ANO6: variants seen among roughly 807,000 people sequenced by gnomAD.
ANO6 encodes anoctamin 6.
In ANO6, 106 loss-of-function variants were observed where a neutral mutation model predicts 117.5. That is an observed-to-expected ratio of 0.90 (90% CI 0.77 to 1.06). The LOEUF (loss-of-function observed/expected upper bound fraction) is 1.06, where lower values mean the gene tolerates loss of function less well. ANO6 is among the 50% of genes least tolerant of loss of function. The probability of loss-of-function intolerance (pLI) is 0.00; values close to 1 mark genes in which losing one functional copy is unlikely to be tolerated. For synonymous variants in ANO6, 367 were observed against 385.1 expected, an observed-to-expected ratio of 0.95 and a Z score of 0.55; for missense variants, 955 against 1,121.1, an observed-to-expected ratio of 0.85 and a Z score of 2.12.
chr12:45,335,994 T>C (rs1054034951), intron 3 of ANO6, among the ~76,000 whole-genome samples: 5 of 152,064 alleles, frequency 3.3e-5, no homozygotes, highest in Non-Finnish European at 4.4e-5. Flanking sequence ...TTTTCTTGTC[T>C]GAGTGCAATG....
chr12:45,379,536 C>T (rs187756202), intron 10 of ANO6, among the ~76,000 whole-genome samples: 85 of 152,282 alleles, frequency 5.6e-4, no homozygotes, highest in Admixed American at 2.0e-3. Context: ...CCTCCCCTTC[C>T]GCCCAGTAAG....
intron 9 of ANO6, among the ~76,000 whole-genome samples, chr12:45,373,490 A>T (rs1941908544): frequency 6.6e-6 from 1 of 152,248 alleles, no homozygotes; most frequent in Non-Finnish European, 1.5e-5. Context: ...ATGTAAAAGA[A>T]CAGAAATTAT....
intron 7 of ANO6, among the ~76,000 whole-genome samples, chr12:45,353,939 C>T (rs928622206): frequency 2.0e-5 from 3 of 151,746 alleles, no homozygotes; most frequent in African/African-American, 7.3e-5. Context: ...TTATGCAGAG[C>T]ATAGAGCAAA....
intron 1 of ANO6, among the ~76,000 whole-genome samples, chr12:45,242,376 A>G (rs906072575): frequency 2.6e-5 from 4 of 152,248 alleles, no homozygotes; most frequent in Non-Finnish European, 5.9e-5. Context: ...GGGACCTGCC[A>G]AGCCAGGCAT....
chr12:45,346,855 C>G (rs1156237183), intron 3 of ANO6, among the ~76,000 whole-genome samples, 167 bp from the exon 4 acceptor site: 1 of 152,188 alleles, frequency 6.6e-6, no homozygotes, highest in Non-Finnish European at 1.5e-5. Flanking sequence ...TCACCAGCAG[C>G]AAGAGCTGCT....
At chr12:45,238,727 T>G (rs1293103558) in intron 1 of ANO6, among the ~76,000 whole-genome samples, 1 of 152,156 alleles carries the variant, frequency 6.6e-6, no homozygotes, top group Non-Finnish European at 1.5e-5. Context: ...CAATACCTAG[T>G]TTATTGAGAG....
At chr12:45,420,963 T>C in intron 17 of ANO6, 108 bp from the exon 18 acceptor site, 1 of 1,194,958 alleles carries the variant, frequency 8.4e-7, no homozygotes, top group East Asian at 2.4e-5. Context: ...AGGTGGAGGT[T>C]GCAGTGAGCC....
At chr12:45,238,228 G>A (rs994426831) in intron 1 of ANO6, among the ~76,000 whole-genome samples, 2 of 147,494 alleles carry the variant, frequency 1.4e-5, no homozygotes, top group African/African-American at 5.1e-5. Flanking sequence ...TCGGCTCACT[G>A]CAAGCTCTGC....
rs529127498 is a variant in ANO6 at position 45,296,323 on chromosome 12, G to A, written c.71-5691G>A. On this transcript the variant is annotated intron_variant, in intron 1 of 19. Coordinates refer to ENST00000320560, the MANE Select transcript of ANO6 (RefSeq NM_001025356.3). ...CTTTGACATTTCTTTAGTTGCGTAC[G>A]TTGACTAGATCATAGAATTCCTGAG... 9.9e-5 allele frequency among the ~76,000 whole-genome samples: 15 copies of A among 152,158 alleles called. No individual in the cohort carries two copies. In the South Asian group the frequency reaches 2.7e-3, roughly 27 times the overall value.
chr12:45,224,360 G>C (rs1471705110), intron 1 of ANO6, among the ~76,000 whole-genome samples: 1 of 152,074 alleles, frequency 6.6e-6, no homozygotes, highest in Non-Finnish European at 1.5e-5. Flanking sequence ...CGATGGCAAG[G>C]GGATCATGTT....
intron 15 of ANO6, among the ~76,000 whole-genome samples, chr12:45,405,132 C>T (rs757001431): frequency 3.3e-5 from 5 of 151,842 alleles, no homozygotes; most frequent in Admixed American, 1.3e-4. Context: ...GAAAACAACC[C>T]TCACTTTCAT....
At chr12:45,306,403 A>G (rs975547705) in intron 2 of ANO6, among the ~76,000 whole-genome samples, 4 of 152,166 alleles carry the variant, frequency 2.6e-5, no homozygotes, top group African/African-American at 9.7e-5. Flanking sequence ...ATGAGAAACC[A>G]TAGGATTTAG....
intron 1 of ANO6, among the ~76,000 whole-genome samples, chr12:45,278,037 C>G (rs1938607226): frequency 6.6e-6 from 1 of 152,148 alleles, no homozygotes; most frequent in Admixed American, 6.5e-5. Flanking sequence ...ATTCCACCCT[C>G]AAACTCCTAG....
chr12:45,262,535 T>C (rs1254667098), intron 1 of ANO6, among the ~76,000 whole-genome samples: 1 of 152,022 alleles, frequency 6.6e-6, no homozygotes, highest in Non-Finnish European at 1.5e-5. Context: ...AGCAATTCTC[T>C]TGCCTCAGCC....
chr12:45,296,220 G>A (rs767190418), intron 1 of ANO6, among the ~76,000 whole-genome samples: 2 of 152,188 alleles, frequency 1.3e-5, no homozygotes, highest in African/African-American at 2.4e-5. Context: ...GTACAAGACA[G>A]CGTGGCAGAT....
intron 16 of ANO6, among the ~76,000 whole-genome samples, chr12:45,414,289 A>G (rs1943159688): frequency 6.6e-6 from 1 of 151,944 alleles, no homozygotes. Flanking sequence ...TTTTGCGTTG[A>G]CTTTTTGTTG....
intron 2 of ANO6, among the ~76,000 whole-genome samples, chr12:45,329,123 A>G (rs1291490298): frequency 6.6e-6 from 1 of 152,204 alleles, no homozygotes; most frequent in African/African-American, 2.4e-5. Flanking sequence ...CAAGAATTTG[A>G]GCAAAGATCC....
rs1336570848 is a variant in ANO6, at chr12:45,431,966, G to A, written c.*2655G>A. 2 of 985,170 alleles carry A rather than the reference G, an allele frequency of 2.0e-6. No homozygotes were observed. The highest frequency in any genetic ancestry group is 2.4e-6 in the Non-Finnish European group (2 of 829,846). 61.0% of individuals were successfully genotyped at this position (985,170 alleles called of 1,614,324 possible). A position where few individuals can be genotyped will look rare whatever the true frequency, so the allele number is the denominator to read the frequency against. ...ATTTAGCTATATATCATTAGAAAGG[G>A]AAAGCTATCATTTTTATTTTAAAAC... is the stretch of plus-strand genomic sequence containing the variant. On this transcript the variant is annotated 3_prime_UTR_variant, in exon 20 of 20. Transcript: ENST00000320560.
At chr12:45,437,553 A>C (rs1482016838) in intron 19 of ANO6, among the ~76,000 whole-genome samples, 2 of 151,714 alleles carry the variant, frequency 1.3e-5, no homozygotes, top group Non-Finnish European at 2.9e-5. Flanking sequence ...CATACAAACA[A>C]AGGTTTTTGT....
Sources: gnomAD v4.1 joint callset for allele counts (sites outside exome capture counted in the v4.1 genomes callset) on GRCh38, gnomAD v4.1.1 for gene constraint, MANE v1.5 for transcripts, NCBI Gene and HGNC (gene_info 2026-07-23, HGNC 2026-07-21) for gene names.